SP4: variants seen among roughly 807,000 people sequenced by gnomAD.
The protein encoded by SP4 is Sp4 transcription factor.
SP4 carries 19 observed loss-of-function variants against 72.8 expected under a neutral mutation model. That is an observed-to-expected ratio of 0.26 (90% CI 0.18 to 0.38). The LOEUF is 0.38. Ranked by LOEUF, SP4 falls within the 10% of genes least tolerant of loss-of-function variation. The pLI is 1.00. For missense variants in SP4, 1,008 were observed against 926.3 expected (o/e 1.09, Z -1.14); for synonymous variants, 395 against 333.1 (o/e 1.19, Z -2.02).
chr7:21,442,040 T>G (rs200403548), intron 3 of SP4, among the ~76,000 whole-genome samples: 1 of 48,082 alleles, frequency 2.1e-5, no homozygotes, highest in African/African-American at 7.3e-5. Context: ...GTGTGTGTAT[T>G]TTTTTTTTTT....
intron 3 of SP4, among the ~76,000 whole-genome samples, chr7:21,431,502 T>C (rs550913646): frequency 7.7e-4 from 118 of 152,316 alleles, no homozygotes; most frequent in African/African-American, 2.7e-3. Flanking sequence ...TCATGGTCAT[T>C]GTGTGATTTG....
In SP4 at chr7:21,466,386, A is replaced by C. The variant is rs74818806; in HGVS notation, c.1679-10693A>C. ...TTTACTGGAGTTAACATTCCTCTTG[A>C]GTGTTTATCATATTCCAGACATTAT... is the stretch of plus-strand genomic sequence containing the variant. On this transcript the variant is annotated intron_variant, in intron 3 of 5. Coordinates refer to ENST00000222584, the MANE Select transcript of SP4 (RefSeq NM_003112.5). Among the ~76,000 whole-genome samples the C allele has an allele frequency of 8.3e-3, 1,267 of 152,216 alleles. 18 individuals carry two copies. Among genetic ancestry groups the C allele is most frequent in the African/African-American group, 0.029 (1,199 of 41,538 alleles).
At chr7:21,440,813 G>A (rs954213946) in intron 3 of SP4, among the ~76,000 whole-genome samples, 1 of 152,194 alleles carries the variant, frequency 6.6e-6, no homozygotes, top group East Asian at 1.9e-4. Context: ...TCGTGCCACT[G>A]CACTTCAGTC....
chr7:21,490,879 A>G (rs531588437), intron 5 of SP4, among the ~76,000 whole-genome samples: 2 of 152,380 alleles, frequency 1.3e-5, no homozygotes, highest in Admixed American at 1.3e-4. Flanking sequence ...TGCTGCTCAA[A>G]GAGGGCAAGA....
At chr7:21,459,304 A>G (rs1334775984) in intron 3 of SP4, among the ~76,000 whole-genome samples, 1 of 152,100 alleles carries the variant, frequency 6.6e-6, no homozygotes, top group Non-Finnish European at 1.5e-5. Flanking sequence ...TATTTTTAGT[A>G]GAGACAGGGT....
At chr7:21,476,154 A>G (rs1445295326) in intron 3 of SP4, among the ~76,000 whole-genome samples, 1 of 151,790 alleles carries the variant, frequency 6.6e-6, no homozygotes, top group African/African-American at 2.4e-5. Flanking sequence ...CACGCCTGTC[A>G]TCCCAGCTAC....
intron 3 of SP4, among the ~76,000 whole-genome samples, chr7:21,447,705 A>T (rs77832880): frequency 0.044 from 6,725 of 152,194 alleles, 172 homozygotes; most frequent in Non-Finnish European, 0.056. Flanking sequence ...TTTTTTTGAG[A>T]CAGAGTCTTG....
chr7:21,478,298 C>G (rs1263128552), intron 4 of SP4, among the ~76,000 whole-genome samples: 1 of 152,130 alleles, frequency 6.6e-6, no homozygotes, highest in Non-Finnish European at 1.5e-5. Context: ...ACCCACTGGC[C>G]GTTATGAATA....
At chr7:21,458,165 G>T (rs1245585324) in intron 3 of SP4, among the ~76,000 whole-genome samples, 3 of 152,034 alleles carry the variant, frequency 2.0e-5, no homozygotes, top group Non-Finnish European at 4.4e-5. Context: ...TCCATCAAGT[G>T]CAGTTTTCCT....
In SP4 at chr7:21,430,829, T is replaced by C. The variant is rs747170239; in HGVS notation, c.1664T>C (p.Ile555Thr). ...GVQVQGVPVTITSVAGQQQGQ... is the reference protein window; with the variant it reads ...GVQVQGVPVTTTSVAGQQQGQ... ...CAAGTGCAGGGAGTTCCCGTTACAA[T>C]CACTAGTGTTGCAGGTAAGTTCTGA... The change falls in exon 3 of 6, where the codon ATC becomes ACC. Residue 555 changes from isoleucine (I) to threonine (T), a missense_variant. Coordinates refer to ENST00000222584, the MANE Select transcript of SP4 (RefSeq NM_003112.5). 1.9e-6 allele frequency: 3 copies of C among 1,610,292 alleles called. No homozygotes were observed. The Admixed American group carries it at 5.0e-5, about 27-fold the overall frequency.
At chr7:21,502,174 A>G (rs1781887377) in intron 5 of SP4, among the ~76,000 whole-genome samples, 1 of 152,016 alleles carries the variant, frequency 6.6e-6, no homozygotes, top group Non-Finnish European at 1.5e-5. Flanking sequence ...GGAATGGCCA[A>G]CTGGACTAAA....
intron 5 of SP4, among the ~76,000 whole-genome samples, chr7:21,493,778 C>G (rs141159499): frequency 5.9e-5 from 9 of 152,174 alleles, no homozygotes; most frequent in African/African-American, 2.2e-4. Flanking sequence ...ATAAATAATA[C>G]CAAATTCTAC....
chr7:21,502,126 G>A (rs1375509377), intron 5 of SP4, among the ~76,000 whole-genome samples: 2 of 147,810 alleles, frequency 1.4e-5, no homozygotes, highest in East Asian at 4.1e-4. Flanking sequence ...TGGTAGCCGT[G>A]TGTATTTTCG....
chr7:21,510,575 T>G (rs1782116311), intron 5 of SP4, among the ~76,000 whole-genome samples: 1 of 152,230 alleles, frequency 6.6e-6, no homozygotes, highest in African/African-American at 2.4e-5. Context: ...ATTATTAACT[T>G]AGTTTATTTG....
intron 3 of SP4, among the ~76,000 whole-genome samples, chr7:21,461,413 G>A (rs553582094): frequency 7.9e-5 from 12 of 152,174 alleles, no homozygotes; most frequent in Non-Finnish European, 2.9e-5. Flanking sequence ...GCGAGAAATC[G>A]AGCGCAGCGC....
At chr7:21,497,351 G>T (rs571286672) in intron 5 of SP4, among the ~76,000 whole-genome samples, 1 of 152,332 alleles carries the variant, frequency 6.6e-6, no homozygotes, top group African/African-American at 2.4e-5. Flanking sequence ...CAGAGGTGGG[G>T]AGTGGAAAAT....
At chr7:21,467,251 A>T (rs562853809) in intron 3 of SP4, among the ~76,000 whole-genome samples, 1 of 152,244 alleles carries the variant, frequency 6.6e-6, no homozygotes, top group African/African-American at 2.4e-5. Flanking sequence ...GGAAGGCAAA[A>T]TTACCTTCAT....
chr7:21,432,282 A>T (rs1361114703), intron 3 of SP4, among the ~76,000 whole-genome samples: 1 of 152,232 alleles, frequency 6.6e-6, no homozygotes, highest in Non-Finnish European at 1.5e-5. Context: ...TCTGGATTAC[A>T]ATCCTTAACT....
chr7:21,457,747 C>T (rs1319043705), intron 3 of SP4, among the ~76,000 whole-genome samples: 1 of 151,772 alleles, frequency 6.6e-6, no homozygotes, highest in Non-Finnish European at 1.5e-5. Context: ...TGACCATGAC[C>T]CACTGTTATT....
Sources: allele counts gnomAD v4.1 joint callset (sites outside exome capture counted in the v4.1 genomes callset), GRCh38; gene constraint gnomAD v4.1.1; transcripts MANE v1.5; gene names NCBI Gene and HGNC (gene_info 2026-07-23, HGNC 2026-07-21).